The following BMP1 variants were observed in gnomAD, a reference collection of about 807,000 sequenced individuals.
The protein encoded by BMP1 is mammalian tolloid protein.
Under a neutral mutation model 116.8 loss-of-function variants are expected in BMP1, and 63 were observed. That is an observed-to-expected ratio of 0.54 (90% confidence interval 0.44 to 0.67). BMP1 has a LOEUF of 0.67. BMP1 is among the 30% of genes least tolerant of loss of function. BMP1 has a pLI of 0.00. For missense variants in BMP1, 1,183 were observed against 1,358.9 expected (o/e 0.87, Z 2.04); for synonymous variants, 536 against 533.4 (o/e 1.00, Z -0.07).
intron 1 of BMP1, among the ~76,000 whole-genome samples, chr8:22,172,862 C>A (rs1828321132): frequency 6.6e-6 from 1 of 152,010 alleles, no homozygotes; most frequent in Non-Finnish European, 1.5e-5. Context: ...AGTGATCCAC[C>A]CACCTCGACC....
intron 8 of BMP1, among the ~76,000 whole-genome samples, chr8:22,182,549 G>A (rs1179999104): frequency 6.6e-6 from 1 of 152,180 alleles, no homozygotes; most frequent in African/African-American, 2.4e-5. Context: ...GAATACGTAA[G>A]ATGCAATGCC....
At chr8:22,208,446 G>A (rs551629925) in intron 18 of BMP1, among the ~76,000 whole-genome samples, 4 of 152,306 alleles carry the variant, frequency 2.6e-5, no homozygotes, top group East Asian at 3.9e-4. Flanking sequence ...GGCAGGCACC[G>A]CCCGTGACAG....
At chr8:22,187,497 A>ATTTTTTTTTTTTTT (rs768807192) in intron 8 of BMP1, among the ~76,000 whole-genome samples, 22 of 104,418 alleles carry the variant, frequency 2.1e-4, no homozygotes, top group African/African-American at 5.5e-4. Flanking sequence ...CGCCCGGCTA[A>ATTTTTTTTTTTTTT]TTTTTTTTTT....
rs748611863 is a variant in BMP1, at chr8:22,207,527, C to T, written c.2575+11C>T. On this transcript the variant is annotated intron_variant, in intron 18 of 19. Coordinates refer to ENST00000306385, the MANE Select transcript of BMP1 (RefSeq NM_006129.5). ...CCTCCCACGCCACAGGTACTGTCCC[C>T]GGTTGTGGGAGTGTTCACTGAGCCT... 5.0e-6 allele frequency: 8 copies of T among 1,611,470 alleles called. No individual in the cohort carries two copies. The highest frequency in any genetic ancestry group is 2.2e-5 in the East Asian group (1 of 44,844).
chr8:22,176,397 G>A (rs1828435695), intron 3 of BMP1, 84 bp downstream of exon 3: 3 of 1,557,568 alleles, frequency 1.9e-6, no homozygotes, highest in South Asian at 2.4e-5. Context: ...GGAGGCGTGG[G>A]TGCCACCTGC....
chr8:22,175,251 G>T (rs1160614023), intron 2 of BMP1, among the ~76,000 whole-genome samples: 2 of 152,168 alleles, frequency 1.3e-5, no homozygotes, highest in Admixed American at 6.5e-5. Flanking sequence ...ATGCCTTAGA[G>T]CTCCTATGTC....
At chr8:22,166,255 G>A (rs1828106334) in intron 1 of BMP1, among the ~76,000 whole-genome samples, 1 of 152,014 alleles carries the variant, frequency 6.6e-6, no homozygotes, top group Non-Finnish European at 1.5e-5. Context: ...CCAAGGCCAA[G>A]TTGGGGTGGA....
In BMP1 at chr8:22,194,183, GA is replaced by G; in HGVS notation, c.1297+11del. 1.2e-6 allele frequency: 2 copies of G among 1,612,538 alleles called. No homozygotes were observed. The highest frequency in any genetic ancestry group is 1.7e-6 in the Non-Finnish European group (2 of 1,178,532). On this transcript the variant is annotated intron_variant, in intron 10 of 19. Transcript: ENST00000306385. The surrounding 1 kb of genome is among the most constrained non-coding windows in gnomAD (Gnocchi z 4.5). ...CTTTGCAGTCTACGAAGGTACTGAG[GA>G]AGGCGGCGGGCGGGAGGAGTCAGAT... is the stretch of plus-strand genomic sequence containing the variant.
intron 16 of BMP1, 43 bp downstream of exon 16, chr8:22,201,971 C>T: frequency 6.3e-7 from 1 of 1,580,000 alleles, no homozygotes; most frequent in Non-Finnish European, 8.6e-7. Flanking sequence ...GAAGGACCTG[C>T]TGCTGGGAGT....
chr8:22,199,239 G>A (rs374867705), intron 15 of BMP1: 358 of 1,367,464 alleles, frequency 2.6e-4, no homozygotes, highest in South Asian at 9.2e-4. Flanking sequence ...CTCAGGGCCC[G>A]GGGCATCTGA....
chr8:22,182,371 T>C (rs1237208002), intron 8 of BMP1, among the ~76,000 whole-genome samples: 1 of 152,216 alleles, frequency 6.6e-6, no homozygotes, highest in Non-Finnish European at 1.5e-5. Context: ...TTGGCATTAA[T>C]CTTTTAATCT....
intron 15 of BMP1, chr8:22,199,210 G>A (rs1306033474): frequency 1.5e-6 from 2 of 1,367,430 alleles, no homozygotes; most frequent in Middle Eastern, 2.1e-4. Flanking sequence ...ACCCCCACTG[G>A]GGGCATCGAG....
At chr8:22,192,435 G>T (rs1337907123) in intron 9 of BMP1, 1 of 323,284 alleles carries the variant, frequency 3.1e-6, no homozygotes. Context: ...GGAGTCATCA[G>T]AATTGACTGA....
rs1201645233 is a variant in BMP1 at position 22,180,410 on chromosome 8, C to A, written c.1004C>A (p.Ser335Tyr). The part of the protein sequence containing the change: ...TLQDSTGNFS[S>Y]PEYPNGYSAH... ...CAAGACAGCACAGGCAACTTCTCCT[C>A]CCCTGAATACCCCAATGGCTACTCT... is the stretch of plus-strand genomic sequence containing the variant. Residue 335 changes from serine (S) to tyrosine (Y), a missense_variant, in exon 8 of 20, where the codon TCC becomes TAC. Transcript: ENST00000306385. The A allele has an allele frequency of 1.9e-6, 3 of 1,614,048 alleles. No individual in the cohort carries two copies. The highest frequency in any genetic ancestry group is 1.7e-6 in the Non-Finnish European group (2 of 1,179,954).
chr8:22,187,948 A>G (rs1454056903), intron 8 of BMP1, among the ~76,000 whole-genome samples: 2 of 152,166 alleles, frequency 1.3e-5, no homozygotes, highest in Non-Finnish European at 2.9e-5. Flanking sequence ...CCTAAAGATC[A>G]TGCGGCAAGG....
At chr8:22,199,556 G>T (rs1402349864) in intron 15 of BMP1, among the ~76,000 whole-genome samples, 1 of 151,980 alleles carries the variant, frequency 6.6e-6, no homozygotes, top group Non-Finnish European at 1.5e-5. Context: ...ATTCACTTAC[G>T]CGTTCACTCG....
intron 8 of BMP1, among the ~76,000 whole-genome samples, chr8:22,182,909 G>A (rs1358972153): frequency 6.6e-6 from 1 of 152,222 alleles, no homozygotes; most frequent in African/African-American, 2.4e-5. Flanking sequence ...AACCAATGTA[G>A]AGAGGTGCTC....
At position 22,176,133 on chromosome 8, in the gene BMP1, C is replaced by A; in HGVS notation, c.263-10C>A. ...CTCCACTCACTAGTCACCATGACTT[C>A]CTCTCTCAGTTCCAGGAAACACTTC... is the stretch of plus-strand genomic sequence containing the variant. On this transcript the variant is annotated splice_polypyrimidine_tract_variant and intron_variant, in intron 2 of 19. Transcript: ENST00000306385. 1 of 1,613,792 alleles carries A rather than the reference C, an allele frequency of 6.2e-7. No homozygotes were observed. The highest frequency in any genetic ancestry group is 2.2e-5 in the East Asian group (1 of 44,894).
chr8:22,206,516 G>A (rs916559891), intron 16 of BMP1, among the ~76,000 whole-genome samples: 35 of 130,370 alleles, frequency 2.7e-4, no homozygotes, highest in African/African-American at 2.7e-4. Context: ...AAAAAAAAAA[G>A]AAAGAAAGAA....
Sources: gnomAD v4.1 joint callset for allele counts (sites outside exome capture counted in the v4.1 genomes callset) on GRCh38, gnomAD v4.1.1 for gene constraint, Gnocchi (gnomAD v3.1) non-coding constraint, MANE v1.5 for transcripts, NCBI Gene and HGNC (gene_info 2026-07-23, HGNC 2026-07-21) for gene names.